The following KALRN variants were observed in gnomAD, a reference collection of about 807,000 sequenced individuals.
KALRN encodes kalirin RhoGEF kinase.
Under a neutral mutation model 353.7 loss-of-function variants are expected in KALRN, and 70 were observed. The ratio of observed to expected loss-of-function variants is 0.20; its 90% confidence interval spans 0.16 to 0.24. KALRN has a LOEUF of 0.24. KALRN is among the 10% of genes least tolerant of loss of function. The probability of loss-of-function intolerance (pLI) is 1.00; values close to 1 mark genes in which losing one functional copy is unlikely to be tolerated. For missense variants in KALRN, 2,791 were observed against 3,756.7 expected (o/e 0.74, Z 6.72); for synonymous variants, 1,391 against 1,434.8 (o/e 0.97, Z 0.69).
chr3:124,132,592 C>G (rs934325068), intron 1 of KALRN, among the ~76,000 whole-genome samples: 3 of 152,150 alleles, frequency 2.0e-5, no homozygotes, highest in Non-Finnish European at 4.4e-5. Flanking sequence ...TTACACACGG[C>G]AGGACTTGGG....
In KALRN at chr3:124,497,954, G is replaced by T. The variant is rs73187392; in HGVS notation, c.4935+1541G>T. The stretch of plus-strand genomic sequence containing the variant: ...GCTCCAGCTATTCCTTGTCTTTCTG[G>T]CAAGGTATGTGGGGCTGGACTAGAA... On this transcript the variant is annotated intron_variant, in intron 33 of 59. Transcript: ENST00000682506. Among the ~76,000 whole-genome samples, 918 of 152,260 alleles carry T rather than the reference G, an allele frequency of 6.0e-3. 6 individuals are homozygous for T. Among genetic ancestry groups the T allele is most frequent in the Non-Finnish European group, 9.1e-3 (622 of 68,024 alleles).
chr3:124,568,955 C>T (rs1466722711), intron 34 of KALRN, among the ~76,000 whole-genome samples: 2 of 152,174 alleles, frequency 1.3e-5, no homozygotes, highest in African/African-American at 4.8e-5. Flanking sequence ...TGCCACTGAA[C>T]TGTACACTTA....
In KALRN at chr3:124,264,531, C is replaced by A; in HGVS notation, c.297C>A (p.Ile99=). 2 of 1,614,094 alleles carry A rather than the reference C, an allele frequency of 1.2e-6. No homozygotes were observed. Among genetic ancestry groups the A allele is most frequent in the Non-Finnish European group, 1.7e-6 (2 of 1,179,992 alleles). The change falls in exon 4 of 60, where the codon ATC becomes ATA. Residue 99 remains isoleucine (I), a synonymous_variant. Transcript: ENST00000682506. ...EDVCKRGFTV[I]IDMRGSKWDL... ...TGTGCAAACGTGGCTTCACTGTCAT[C>A]ATCGACATGCGGGGCTCCAAGTGGG...
At chr3:124,266,362 A>G (rs1210128101) in intron 4 of KALRN, among the ~76,000 whole-genome samples, 1 of 152,114 alleles carries the variant, frequency 6.6e-6, no homozygotes, top group Non-Finnish European at 1.5e-5. Context: ...GATGGTTTTT[A>G]TTTACTTCAT....
intron 33 of KALRN, among the ~76,000 whole-genome samples, chr3:124,541,685 T>C (rs2069047889): frequency 7.0e-6 from 1 of 142,914 alleles, no homozygotes; most frequent in Non-Finnish European, 1.5e-5. Flanking sequence ...AAGTTTGAGA[T>C]CAACCTGGCC....
intron 1 of KALRN, among the ~76,000 whole-genome samples, chr3:124,217,134 G>GA (rs1271341278): frequency 6.6e-6 from 1 of 152,148 alleles, no homozygotes; most frequent in Admixed American, 6.5e-5. Flanking sequence ...GCATGATATT[G>GA]AAATTACATG....
intron 33 of KALRN, among the ~76,000 whole-genome samples, chr3:124,530,828 A>G (rs950217801): frequency 6.6e-6 from 1 of 152,116 alleles, no homozygotes; most frequent in African/African-American, 2.4e-5. Flanking sequence ...CACTCTTTCA[A>G]AGTTCCCGGA....
chr3:124,363,419 C>G (rs540145593), intron 10 of KALRN, among the ~76,000 whole-genome samples: 2 of 152,312 alleles, frequency 1.3e-5, no homozygotes, highest in South Asian at 4.1e-4. Context: ...GCTCCCCTAA[C>G]CTTGCCAAGC....
chr3:124,659,512 C>T, intron 43 of KALRN, 55 bp downstream of exon 43: 2 of 1,236,828 alleles, frequency 1.6e-6, no homozygotes, highest in Non-Finnish European at 2.4e-6. Context: ...AGGCTCAGAG[C>T]AGGTTCTGAG....
At chr3:124,080,877 C>T (rs1163567053) in intron 1 of KALRN, among the ~76,000 whole-genome samples, 1 of 152,168 alleles carries the variant, frequency 6.6e-6, no homozygotes, top group Non-Finnish European at 1.5e-5. Context: ...ATAAGCATAT[C>T]TTTGATCTCC....
intron 36 of KALRN, among the ~76,000 whole-genome samples, chr3:124,636,301 G>C (rs991349659): frequency 1.3e-5 from 2 of 152,054 alleles, no homozygotes; most frequent in Non-Finnish European, 2.9e-5. Flanking sequence ...AACGGTGCAG[G>C]GTTAACTATT....
chr3:124,225,012 G>C (rs2078322005), intron 1 of KALRN, among the ~76,000 whole-genome samples: 1 of 152,170 alleles, frequency 6.6e-6, no homozygotes, highest in Admixed American at 6.5e-5. Flanking sequence ...TTTACCGTGA[G>C]TCTACCAAGA....
intron 10 of KALRN, among the ~76,000 whole-genome samples, chr3:124,349,200 T>C (rs1472731637): frequency 1.3e-5 from 2 of 152,160 alleles, no homozygotes; most frequent in Non-Finnish European, 2.9e-5. Context: ...TTGAAGACAT[T>C]ATACTAAGTG....
intron 10 of KALRN, among the ~76,000 whole-genome samples, chr3:124,367,762 G>A (rs1237781886): frequency 1.1e-4 from 1 of 9,146 alleles, no homozygotes; most frequent in Non-Finnish European, 2.5e-4. Flanking sequence ...CAGTAGGGGC[G>A]GCCGGGCAGA....
At chr3:124,191,444 G>A (rs886609179) in intron 1 of KALRN, among the ~76,000 whole-genome samples, 1 of 151,846 alleles carries the variant, frequency 6.6e-6, no homozygotes, top group Non-Finnish European at 1.5e-5. Context: ...GCACACAAAA[G>A]ACACTATCAC....
chr3:124,364,378 A>G (rs1443331472), intron 10 of KALRN, among the ~76,000 whole-genome samples: 1 of 152,186 alleles, frequency 6.6e-6, no homozygotes. Flanking sequence ...TCATGGTCCA[A>G]TCTTCAGCTA....
intron 1 of KALRN, among the ~76,000 whole-genome samples, chr3:124,189,086 T>C (rs1317650217): frequency 6.6e-6 from 1 of 152,194 alleles, no homozygotes; most frequent in Non-Finnish European, 1.5e-5. Flanking sequence ...TCCAAGTCTG[T>C]TCACTATATG....
chr3:124,160,158 G>A (rs1475476874), intron 1 of KALRN, among the ~76,000 whole-genome samples: 1 of 150,290 alleles, frequency 6.7e-6, no homozygotes. Flanking sequence ...AGATTAGGGT[G>A]GACCCTAAAT....
intron 3 of KALRN, among the ~76,000 whole-genome samples, chr3:124,247,643 G>A (rs1258548196): frequency 2.6e-5 from 4 of 152,118 alleles, no homozygotes; most frequent in Non-Finnish European, 1.5e-5. Flanking sequence ...TTATCTCTTG[G>A]AGCTCCCACT....
Sources: allele counts gnomAD v4.1 joint callset (sites outside exome capture counted in the v4.1 genomes callset), GRCh38; gene constraint gnomAD v4.1.1; transcripts MANE v1.5; gene names NCBI Gene and HGNC (gene_info 2026-07-23, HGNC 2026-07-21).